The following APBA2 variants were observed in gnomAD, a reference collection of about 807,000 sequenced individuals.
The protein encoded by APBA2 is amyloid beta precursor protein binding family A member 2, also known as amyloid-beta A4 precursor protein-binding family A member 2.
APBA2 carries 30 observed loss-of-function variants against 75.0 expected under a neutral mutation model. That is an observed-to-expected ratio of 0.40 (90% CI 0.30 to 0.54). The LOEUF (loss-of-function observed/expected upper bound fraction) is 0.54. APBA2 is among the 20% of genes least tolerant of loss of function. The pLI is 0.49. For synonymous variants in APBA2, 444 were observed against 409.6 expected (o/e 1.08, Z -1.01); for missense variants, 801 against 1,016.1 (o/e 0.79, Z 2.88).
At chr15:29,098,691 A>G in intron 9 of APBA2, 115 bp downstream of exon 9, 4 of 910,532 alleles carry the variant, frequency 4.4e-6, no homozygotes, top group Non-Finnish European at 7.0e-6. Flanking sequence ...CTCTGCGCCC[A>G]TCAACCCAAG....
At chr15:28,956,260 G>T (rs2152730284) in intron 2 of APBA2, among the ~76,000 whole-genome samples, 1 of 152,172 alleles carries the variant, frequency 6.6e-6, no homozygotes, top group South Asian at 2.1e-4. Context: ...ATATGCAGTT[G>T]TACACCATGG....
chr15:29,064,720 A>T (rs1438343768), intron 4 of APBA2, among the ~76,000 whole-genome samples: 1 of 152,000 alleles, frequency 6.6e-6, no homozygotes, highest in Non-Finnish European at 1.5e-5. Context: ...GATGGTGATG[A>T]GAGAGAGACA....
At position 29,012,224 on chromosome 15, in the gene APBA2, A is replaced by G. The variant is rs557353254; in HGVS notation, c.-41+16418A>G. 1.4e-4 allele frequency among the ~76,000 whole-genome samples: 21 copies of G among 152,302 alleles called. No individual in the cohort carries two copies. In the East Asian group the frequency reaches 4.0e-3, roughly 29 times the overall value. ...AGGATTCTATTAGGAGACTGCTTTG[A>G]GTTCAGTTATTATGTCGCTTTAGGT... On this transcript the variant is annotated intron_variant, in intron 3 of 14. Coordinates refer to ENST00000683413, the MANE Select transcript of APBA2 (RefSeq NM_001353788.2).
In APBA2 at chr15:29,054,715, C is replaced by T. The variant is rs760777807; in HGVS notation, c.831C>T (p.His277=). 116 of 1,613,528 alleles carry T rather than the reference C, an allele frequency of 7.2e-5. No individual in the cohort carries two copies. The highest frequency in any genetic ancestry group is 8.7e-5 in the Non-Finnish European group (103 of 1,179,998). Residue 277 remains histidine (H), a synonymous_variant, in exon 4 of 15, where the codon CAC becomes CAT. Coordinates refer to ENST00000683413, the MANE Select transcript of APBA2 (RefSeq NM_001353788.2). The surrounding 1 kb of genome is among the most constrained non-coding windows in gnomAD (Gnocchi z 6.1). ...AGGCCAGCTGCAGCCCCAGCAGGCA[C>T]GAGGCGAGGCCCAAGTCGCTGAACC... ...PIKASCSPSR[H]EARPKSLNLL...
At chr15:29,093,050 A>G in intron 6 of APBA2, 25 bp from the exon 7 acceptor site, 1 of 1,613,936 alleles carries the variant, frequency 6.2e-7, no homozygotes, top group African/African-American at 1.3e-5. Context: ...CTCTAGGAAG[A>G]CTCTGACTCT....
chr15:29,071,811 C>T (rs532394143), intron 4 of APBA2, among the ~76,000 whole-genome samples: 1 of 151,852 alleles, frequency 6.6e-6, no homozygotes, highest in African/African-American at 2.4e-5. Context: ...CAAGTGGACA[C>T]CCGCTTGGGA....
At position 29,108,397 on chromosome 15, in the gene APBA2, C is replaced by A. The variant is rs781428135; in HGVS notation, c.2037+8C>A. ...AGCGTGCAGAATGGAATTGTGAGTT[C>A]CCCCTCCTGCTCTGGGCCACCACCA... On this transcript the variant is annotated splice_region_variant and intron_variant, in intron 13 of 14. Coordinates refer to ENST00000683413, the MANE Select transcript of APBA2 (RefSeq NM_001353788.2). 16 of 1,613,952 alleles carry A rather than the reference C, an allele frequency of 9.9e-6. No individual in the cohort carries two copies. In the South Asian group the frequency reaches 1.6e-4, roughly 17 times the overall value.
At chr15:29,086,948 T>C (rs543761400) in intron 6 of APBA2, among the ~76,000 whole-genome samples, 1 of 152,340 alleles carries the variant, frequency 6.6e-6, no homozygotes, top group Admixed American at 6.5e-5. Flanking sequence ...TCCCTTCCAC[T>C]ATAGGTAACC....
chr15:29,116,429 A>C (rs1195385033), intron 14 of APBA2, among the ~76,000 whole-genome samples: 1 of 151,962 alleles, frequency 6.6e-6, no homozygotes, highest in Non-Finnish European at 1.5e-5. Context: ...GATTGAGACC[A>C]TCCTGGCTAA....
In APBA2 at chr15:29,105,636, C is replaced by G; in HGVS notation, c.1704+78C>G. 8.5e-6 allele frequency: 13 copies of G among 1,523,212 alleles called. 1 individual carries two copies. In the South Asian group the frequency reaches 1.5e-4, roughly 17 times the overall value. 94.4% of individuals were successfully genotyped at this position (1,523,212 alleles called of 1,614,324 possible). A position where few individuals can be genotyped will look rare whatever the true frequency, so the allele number is the denominator to read the frequency against. On this transcript the variant is annotated intron_variant, in intron 11 of 14. Coordinates refer to ENST00000683413, the MANE Select transcript of APBA2 (RefSeq NM_001353788.2). ...CTGAGCTCCTGCAGAGCGAGCCTTCCCGGGGTCCTCACGCACACCCTTGCC... is the reference window on the plus strand; with the variant it reads ...CTGAGCTCCTGCAGAGCGAGCCTTCGCGGGGTCCTCACGCACACCCTTGCC...
chr15:28,961,134 G>A (rs1469880393), intron 2 of APBA2, among the ~76,000 whole-genome samples: 1 of 152,190 alleles, frequency 6.6e-6, no homozygotes, highest in African/African-American at 2.4e-5. Flanking sequence ...TTTGCTTACT[G>A]TTAAGTTCAT....
intron 9 of APBA2, among the ~76,000 whole-genome samples, chr15:29,101,076 G>A (rs1036011851): frequency 2.6e-5 from 4 of 152,120 alleles, no homozygotes; most frequent in African/African-American, 9.7e-5. Context: ...GGAAGAGGGA[G>A]GTGCTACTGG....
intron 1 of APBA2, among the ~76,000 whole-genome samples, chr15:28,921,436 A>C (rs1323167461): frequency 6.6e-6 from 1 of 152,102 alleles, no homozygotes; most frequent in Non-Finnish European, 1.5e-5. Context: ...TCAACTTGTG[A>C]CGCTTGGTTT....
intron 3 of APBA2, among the ~76,000 whole-genome samples, chr15:29,024,169 G>A (rs941011388): frequency 1.3e-5 from 2 of 152,130 alleles, no homozygotes; most frequent in Admixed American, 6.5e-5. Context: ...CTCCCAAAGT[G>A]CTAGAATTAT....
At chr15:28,922,180 C>T (rs1048262126) in intron 2 of APBA2, among the ~76,000 whole-genome samples, 1 of 152,188 alleles carries the variant, frequency 6.6e-6, no homozygotes, top group Non-Finnish European at 1.5e-5. Context: ...TCCCGGTGGT[C>T]AGTTCTTCCC....
chr15:29,099,935 C>T (rs78968120), intron 9 of APBA2, among the ~76,000 whole-genome samples: 128 of 152,340 alleles, frequency 8.4e-4, no homozygotes, highest in African/African-American at 3.0e-3. Context: ...TAGGCTGGCC[C>T]AGTTCAGGGT....
At chr15:29,056,045 G>C (rs568451017) in intron 4 of APBA2, among the ~76,000 whole-genome samples, 26 of 152,348 alleles carry the variant, frequency 1.7e-4, no homozygotes, top group African/African-American at 6.3e-4. Context: ...TCCCACAACA[G>C]TGGTGAAGGC....
chr15:28,957,918 C>T (rs1566842009), intron 2 of APBA2, among the ~76,000 whole-genome samples: 1 of 152,332 alleles, frequency 6.6e-6, no homozygotes, highest in East Asian at 1.9e-4. Flanking sequence ...CTGTACTTCA[C>T]CAAGCCCACC....
rs557638138 is a variant in APBA2, at chr15:28,980,315, T to C, written c.-94-15438T>C. ...CTGTCTGTCTTCACTGATGTTATGA[T>C]TCTATACATAGAAAACCCTAAAGAC... On this transcript the variant is annotated intron_variant, in intron 2 of 14. Coordinates refer to ENST00000683413, the MANE Select transcript of APBA2 (RefSeq NM_001353788.2). 2.0e-5 allele frequency among the ~76,000 whole-genome samples: 3 copies of C among 152,334 alleles called. No homozygotes were observed. The East Asian group carries it at 5.8e-4, about 29-fold the overall frequency.
Sources: gnomAD v4.1 joint callset for allele counts (sites outside exome capture counted in the v4.1 genomes callset) on GRCh38, gnomAD v4.1.1 for gene constraint, Gnocchi (gnomAD v3.1) non-coding constraint, MANE v1.5 for transcripts, NCBI Gene and HGNC (gene_info 2026-07-23, HGNC 2026-07-21) for gene names.